The following CMIP variants were observed in gnomAD, a reference collection of about 807,000 sequenced individuals.
CMIP encodes the protein c-Maf inducing protein.
A neutral mutation model predicts 97.3 loss-of-function variants in CMIP; 13 were observed. The observed-to-expected ratio is 0.13, with a 90% confidence interval of 0.09 to 0.21. CMIP has a LOEUF of 0.21. Among genes scored for constraint, CMIP ranks in the 10% least tolerant of loss-of-function variants. The probability of loss-of-function intolerance (pLI) is 1.00; values close to 1 mark genes in which losing one functional copy is unlikely to be tolerated. For missense variants in CMIP, 847 were observed against 1,024.9 expected, an observed-to-expected ratio of 0.83 and a Z score of 2.37; for synonymous variants, 538 against 436.3, an observed-to-expected ratio of 1.23 and a Z score of -2.91.
Position 81,616,828 on chromosome 16 carries a change from C to T in CMIP, c.427-4048C>T, listed in dbSNP as rs972998000. On this transcript the variant is annotated intron_variant, in intron 2 of 20. Coordinates refer to ENST00000537098, the MANE Select transcript of CMIP (RefSeq NM_198390.3). This position sits in a 1 kb window ranked among gnomAD's most constrained non-coding sequence, Gnocchi z 4.7. The stretch of plus-strand genomic sequence containing the variant: ...GGTCAGTGGCTCTGAAGAAATCCGT[C>T]CCAGGCCTTTAGACATCAAGTGCTG... 6.6e-6 allele frequency among the ~76,000 whole-genome samples: 1 copy of T among 152,210 alleles called. No homozygotes were observed. Among genetic ancestry groups the T allele is most frequent in the East Asian group, 1.9e-4 (1 of 5,188 alleles).
chr16:81,678,232 A>C (rs772816561), intron 9 of CMIP, 43 bp from the exon 10 acceptor site: 12 of 1,453,322 alleles, frequency 8.3e-6, no homozygotes, highest in Non-Finnish European at 1.1e-5. Flanking sequence ...TGCATCATGA[A>C]CGGTGCCTGT....
At chr16:81,450,657 G>A (rs1453381983) in intron 1 of CMIP, among the ~76,000 whole-genome samples, 1 of 152,188 alleles carries the variant, frequency 6.6e-6, no homozygotes, top group East Asian at 1.9e-4. Context: ...GTGCATTGGG[G>A]AAAGCTAGGG....
chr16:81,632,239 C>T (rs1004366924), intron 3 of CMIP, among the ~76,000 whole-genome samples: 45 of 152,098 alleles, frequency 3.0e-4, no homozygotes, highest in Admixed American at 9.2e-4. Flanking sequence ...ATAAAATGCA[C>T]GTACATAGGT....
At chr16:81,674,568 T>C (rs2092711330) in intron 9 of CMIP, among the ~76,000 whole-genome samples, 1 of 152,184 alleles carries the variant, frequency 6.6e-6, no homozygotes, top group Non-Finnish European at 1.5e-5. Flanking sequence ...ACCAAAGAAA[T>C]TGGTAAACAC....
chr16:81,703,523 G>A (rs544104239), intron 17 of CMIP, among the ~76,000 whole-genome samples: 2 of 151,696 alleles, frequency 1.3e-5, no homozygotes, highest in South Asian at 2.1e-4. Context: ...ATACACAGAC[G>A]TGCACAGACA....
chr16:81,677,157 G>A (rs1392594919), intron 9 of CMIP, among the ~76,000 whole-genome samples: 2 of 152,102 alleles, frequency 1.3e-5, no homozygotes, highest in Non-Finnish European at 2.9e-5. Flanking sequence ...GGTAGGAAGG[G>A]CAAGAGTAGC....
intron 1 of CMIP, among the ~76,000 whole-genome samples, chr16:81,456,055 A>C (rs956878751): frequency 6.6e-6 from 1 of 152,192 alleles, no homozygotes; most frequent in Non-Finnish European, 1.5e-5. Flanking sequence ...ACTTGTTGAC[A>C]TCTGTTTGTC....
intron 6 of CMIP, 127 bp downstream of exon 6, chr16:81,661,073 C>G (rs1857538765): frequency 8.7e-7 from 1 of 1,145,890 alleles, no homozygotes. Flanking sequence ...CGGTCCCAGA[C>G]ACAGGCGGAG....
rs1251194759 is a variant in CMIP, at chr16:81,691,798, C to T, written c.1412C>T (p.Pro471Leu). ...KLLSDYDDWR[P>L]SLASLLQPIP... ...AGGTCAGACTATGATGACTGGAGAC[C>T]GTCTCTGGCCAGTTTGCTTCAACCC... The change falls in exon 11 of 21, where the codon CCG becomes CTG. Residue 471 changes from proline (P) to leucine (L), a missense_variant. This residue lies in a region of CMIP where 202 missense variants were observed against 168.7 expected (regional missense o/e 1.20). Transcript: ENST00000537098. The T allele has an allele frequency of 3.1e-6, 5 of 1,613,858 alleles. No individual in the cohort carries two copies. The highest frequency in any genetic ancestry group is 4.2e-6 in the Non-Finnish European group (5 of 1,179,808).
chr16:81,473,201 G>C (rs967952027), intron 1 of CMIP, among the ~76,000 whole-genome samples: 39 of 152,374 alleles, frequency 2.6e-4, no homozygotes, highest in African/African-American at 8.9e-4. Flanking sequence ...GTCGGCCTCT[G>C]TCTCTGCAGG....
intron 1 of CMIP, among the ~76,000 whole-genome samples, chr16:81,555,331 C>T (rs548178475): frequency 6.6e-6 from 1 of 152,172 alleles, no homozygotes; most frequent in Non-Finnish European, 1.5e-5. Flanking sequence ...AAGAACCCCC[C>T]CTAGACTGTG....
At chr16:81,608,282 C>G (rs1474875001) in intron 2 of CMIP, among the ~76,000 whole-genome samples, 1 of 152,100 alleles carries the variant, frequency 6.6e-6, no homozygotes, top group Non-Finnish European at 1.5e-5. Context: ...ATTAAAGTAA[C>G]TGGGAAGCCT....
intron 1 of CMIP, among the ~76,000 whole-genome samples, chr16:81,508,688 G>C (rs1327794360): frequency 1.3e-5 from 2 of 152,226 alleles, no homozygotes; most frequent in African/African-American, 2.4e-5. Context: ...ACTGCATTGG[G>C]AGTTTCAGCA....
intron 1 of CMIP, among the ~76,000 whole-genome samples, chr16:81,587,108 G>A (rs895691147): frequency 1.3e-5 from 2 of 152,140 alleles, no homozygotes; most frequent in Non-Finnish European, 2.9e-5. Flanking sequence ...GCAGTTAACT[G>A]GTATTGATTT....
At chr16:81,463,052 G>C (rs528426209) in intron 1 of CMIP, among the ~76,000 whole-genome samples, 3 of 151,412 alleles carry the variant, frequency 2.0e-5, no homozygotes, top group Non-Finnish European at 2.9e-5. Context: ...TATCATGGAG[G>C]CTACCTGGCA....
At chr16:81,532,263 G>A (rs1236549731) in intron 1 of CMIP, among the ~76,000 whole-genome samples, 1 of 152,262 alleles carries the variant, frequency 6.6e-6, no homozygotes, top group African/African-American at 2.4e-5. Flanking sequence ...AGTTGAACAA[G>A]TGGTGTTCAC....
chr16:81,515,236 C>T (rs138155612), intron 1 of CMIP, among the ~76,000 whole-genome samples: 15 of 152,302 alleles, frequency 9.8e-5, no homozygotes, highest in African/African-American at 2.9e-4. Context: ...AAGGATTGAC[C>T]GGGCAGGTGA....
At chr16:81,588,483 C>T (rs961077931) in intron 1 of CMIP, among the ~76,000 whole-genome samples, 1 of 152,178 alleles carries the variant, frequency 6.6e-6, no homozygotes, top group African/African-American at 2.4e-5. Context: ...GGGCAGGGTG[C>T]TGTACCTTGG....
rs1176980100 is a variant in CMIP, at chr16:81,500,279, C to CTTCG, written c.300+54741_300+54742insGTTC. ...CCGTCCTTCCTTCCTTCCGTCCTTC[C>CTTCG]TTCCTTCCTTCCTTCCTTCCTTCCT... On this transcript the variant is annotated intron_variant, in intron 1 of 20. Transcript: ENST00000537098. Among the ~76,000 whole-genome samples, 8 of 128,332 alleles carry CTTCG rather than the reference C, an allele frequency of 6.2e-5. No individual in the cohort carries two copies. In the East Asian group the frequency reaches 1.8e-3, roughly 30 times the overall value. 84.2% of individuals were successfully genotyped at this position (128,332 alleles called of 152,430 possible).
Sources: allele counts gnomAD v4.1 joint callset (sites outside exome capture counted in the v4.1 genomes callset), GRCh38; gene constraint gnomAD v4.1.1; regional missense constraint gnomAD v4.1.1; non-coding constraint Gnocchi (gnomAD v3.1); transcripts MANE v1.5; gene names NCBI Gene and HGNC (gene_info 2026-07-23, HGNC 2026-07-21).